SHCBP1L: variants seen among roughly 807,000 people sequenced by gnomAD.
The protein encoded by SHCBP1L is SHC binding and spindle associated 1 like.
SHCBP1L carries 67 observed loss-of-function variants against 62.5 expected under a neutral mutation model. The ratio of observed to expected loss-of-function variants is 1.07; its 90% CI spans 0.88 to 1.31. The LOEUF is 1.31. SHCBP1L is among the 40% of genes most tolerant of loss of function. The pLI is 0.00. For synonymous variants in SHCBP1L, 284 were observed against 289.4 expected (o/e 0.98, Z 0.19); for missense variants, 823 against 809.8 (o/e 1.02, Z -0.20).
chr1:182,905,387 A>C, intron 7 of SHCBP1L, 109 bp downstream of exon 7: 1 of 1,148,402 alleles, frequency 8.7e-7, no homozygotes. Flanking sequence ...ATTTTTGTAA[A>C]ACATAAATTC....
chr1:182,943,386 C>T (rs533677453), intron 2 of SHCBP1L, among the ~76,000 whole-genome samples: 24 of 148,840 alleles, frequency 1.6e-4, no homozygotes, highest in Admixed American at 2.7e-4. Flanking sequence ...CCTCTCAAAG[C>T]GCTGGGATTA....
At chr1:182,910,341 C>T (rs1408457954) in intron 6 of SHCBP1L, among the ~76,000 whole-genome samples, 1 of 152,232 alleles carries the variant, frequency 6.6e-6, no homozygotes, top group Non-Finnish European at 1.5e-5. Context: ...GAAATGGCAG[C>T]CCACATTCCT....
At chr1:182,948,851 T>C (rs1488981949) in intron 2 of SHCBP1L, among the ~76,000 whole-genome samples, 1 of 152,110 alleles carries the variant, frequency 6.6e-6, no homozygotes, top group African/African-American at 2.4e-5. Context: ...AAAACAACAA[T>C]ATGAATTGTG....
chr1:182,925,505 C>T (rs192757259), intron 6 of SHCBP1L, among the ~76,000 whole-genome samples: 24 of 151,916 alleles, frequency 1.6e-4, no homozygotes, highest in African/African-American at 5.3e-4. Flanking sequence ...ACTTCACATT[C>T]GCTAGGATCA....
intron 5 of SHCBP1L, among the ~76,000 whole-genome samples, chr1:182,931,184 C>T (rs1256790951): frequency 6.6e-6 from 1 of 152,016 alleles, no homozygotes; most frequent in Non-Finnish European, 1.5e-5. Context: ...CAAACCCACT[C>T]AGCATTTTTA....
At chr1:182,916,669 G>A (rs1032676654) in intron 6 of SHCBP1L, among the ~76,000 whole-genome samples, 1 of 152,020 alleles carries the variant, frequency 6.6e-6, no homozygotes, top group South Asian at 2.1e-4. Flanking sequence ...GAAACACACA[G>A]TTTACCAAAA....
intron 6 of SHCBP1L, among the ~76,000 whole-genome samples, chr1:182,926,403 T>C (rs1650749012): frequency 6.6e-6 from 1 of 152,194 alleles, no homozygotes; most frequent in Admixed American, 6.5e-5. Flanking sequence ...GGCTATATTA[T>C]TGGGATATAA....
intron 2 of SHCBP1L, among the ~76,000 whole-genome samples, chr1:182,949,130 A>C (rs1337194054): frequency 6.6e-6 from 1 of 152,160 alleles, no homozygotes; most frequent in Non-Finnish European, 1.5e-5. Context: ...AACTTTAGAG[A>C]TCTTGAAAAG....
At position 182,949,295 on chromosome 1, in the gene SHCBP1L, A is replaced by G. The variant is rs571164596; in HGVS notation, c.555+2023T>C. Among the ~76,000 whole-genome samples the G allele has an allele frequency of 5.9e-5, 9 of 152,008 alleles. No individual in the cohort carries two copies. In the East Asian group the frequency reaches 1.7e-3, roughly 29 times the overall value. On this transcript the variant is annotated intron_variant, in intron 2 of 9. Coordinates refer to ENST00000367547, the MANE Select transcript of SHCBP1L (RefSeq NM_030933.4). ...AACTTATACTAAAAAAAAAAAAGTCATAAAGCCAGATGAAAACCATTTTTA... is the reference window on the plus strand; with the variant it reads ...AACTTATACTAAAAAAAAAAAAGTCGTAAAGCCAGATGAAAACCATTTTTA...
intron 2 of SHCBP1L, among the ~76,000 whole-genome samples, chr1:182,945,649 AT>A (rs1223944972): frequency 3.3e-5 from 5 of 152,178 alleles, no homozygotes; most frequent in Admixed American, 3.3e-4. Context: ...TTGAAAATGT[AT>A]TTTTTCTACA....
At chr1:182,951,296 A>G (rs1195943700) in intron 2 of SHCBP1L, 22 bp downstream of exon 2, 1 of 1,503,300 alleles carries the variant, frequency 6.7e-7, no homozygotes, top group Non-Finnish European at 8.9e-7. Flanking sequence ...AAAAGAACAA[A>G]GATCAAATAA....
At chr1:182,915,451 T>C (rs1650328182) in intron 6 of SHCBP1L, among the ~76,000 whole-genome samples, 1 of 152,090 alleles carries the variant, frequency 6.6e-6, no homozygotes, top group Non-Finnish European at 1.5e-5. Flanking sequence ...AGTAAAACAT[T>C]CACAGAATTG....
chr1:182,923,072 C>A (rs776582320), intron 6 of SHCBP1L, among the ~76,000 whole-genome samples: 2 of 151,940 alleles, frequency 1.3e-5, no homozygotes, highest in South Asian at 2.1e-4. Flanking sequence ...CACAGAAATA[C>A]AAAAAAACCC....
rs796103745 is a variant in SHCBP1L, at chr1:182,929,739, A to G, written c.1090T>C (p.Phe364Leu). ...CTACGCCTCAGAATTCTTGGAAAGA[A>G]AGGTCCATGAACTCTATAGTTGAAA... is the stretch of plus-strand genomic sequence containing the variant. ...EDLRLRVHGP[F>L]FPRILRRRKG... Residue 364 changes from phenylalanine (F) to leucine (L), a missense_variant, in exon 6 of 10, where the codon TTC (phenylalanine) becomes CTC (leucine). By Grantham distance (22) the Phe-to-Leu change is conservative. Coordinates refer to ENST00000367547, the MANE Select transcript of SHCBP1L (RefSeq NM_030933.4). 6 of 1,588,472 alleles carry G rather than the reference A, an allele frequency of 3.8e-6. No homozygotes were observed. In the Admixed American group the frequency reaches 5.7e-5, roughly 15 times the overall value.
At chr1:182,924,937 A>AGGAAGAAAGAAAGAAAGAAAGAAG in intron 6 of SHCBP1L, among the ~76,000 whole-genome samples, 1 of 115,720 alleles carries the variant, frequency 8.6e-6, no homozygotes, top group African/African-American at 3.8e-5. Flanking sequence ...GAAGGAAGGA[A>AGGAAGAAAGAAAGAAAGAAAGAAG]GAAAGAAAGA....
At chr1:182,906,454 C>T (rs1180676723) in intron 6 of SHCBP1L, among the ~76,000 whole-genome samples, 10 of 147,346 alleles carry the variant, frequency 6.8e-5, no homozygotes, top group South Asian at 6.4e-4. Flanking sequence ...TTTCCGAGAT[C>T]GAATTTCACT....
intron 5 of SHCBP1L, among the ~76,000 whole-genome samples, chr1:182,935,283 T>A (rs572959778): frequency 3.9e-5 from 6 of 152,324 alleles, no homozygotes; most frequent in Non-Finnish European, 7.4e-5. Flanking sequence ...CTGACATTTT[T>A]AAAATATTGG....
Position 182,953,043 on chromosome 1 carries a change from AGACAGCGGAGGCG to A in SHCBP1L, c.78_90del (p.Ala27ProfsTer10). ...GTGGTCGCGGCCGCCGTGTCCCCGGAGACAGCGGAGGCGGACTTCTCGCCTCGCCTGTCCGGGC... is the reference window on the plus strand; with the variant it reads ...GTGGTCGCGGCCGCCGTGTCCCCGGAGACTTCTCGCCTCGCCTGTCCGGGC... On this transcript the variant is annotated frameshift_variant, in exon 1 of 10. Transcript: ENST00000367547. LOFTEE classifies it high-confidence loss of function. 1 of 1,545,338 alleles carries A rather than the reference AGACAGCGGAGGCG, an allele frequency of 6.5e-7. No homozygotes were observed. The highest frequency in any genetic ancestry group is 8.7e-7 in the Non-Finnish European group (1 of 1,150,948).
At chr1:182,936,130 G>GTTTTTTTTTTTTTTTT (rs71127329) in intron 5 of SHCBP1L, among the ~76,000 whole-genome samples, 4 of 63,994 alleles carry the variant, frequency 6.3e-5, no homozygotes, top group Non-Finnish European at 9.6e-5. Context: ...TTTGTTTTTT[G>GTTTTTTTTTTTTTTTT]TTTTTTTTTT....
Sources: allele counts gnomAD v4.1 joint callset (sites outside exome capture counted in the v4.1 genomes callset), GRCh38; gene constraint gnomAD v4.1.1; transcripts MANE v1.5; gene names NCBI Gene and HGNC (gene_info 2026-07-23, HGNC 2026-07-21).